PYHIN1: variants seen among roughly 807,000 people sequenced by gnomAD.
PYHIN1 encodes pyrin and HIN domain family member 1.
A neutral mutation model predicts 43.7 loss-of-function variants in PYHIN1; 32 were observed. The ratio of observed to expected loss-of-function variants is 0.73; its 90% CI spans 0.55 to 0.98. The LOEUF (loss-of-function observed/expected upper bound fraction) is 0.98, where lower values mean the gene tolerates loss of function less well. Ranked by LOEUF, PYHIN1 falls within the 50% of genes least tolerant of loss-of-function variation. The pLI, the probability that PYHIN1 is intolerant of heterozygous loss-of-function variation, is 0.00. For missense variants in PYHIN1, 588 were observed against 589.5 expected, an observed-to-expected ratio of 1.00 and a Z score of 0.03; for synonymous variants, 205 against 203.1, an observed-to-expected ratio of 1.01 and a Z score of -0.08.
At chr1:158,958,650 A>T (rs1199190653) in intron 7 of PYHIN1, among the ~76,000 whole-genome samples, 1 of 151,162 alleles carries the variant, frequency 6.6e-6, no homozygotes, top group East Asian at 1.9e-4. Flanking sequence ...AGATATACCT[A>T]ATGGTAGATG....
chr1:158,956,453 G>A (rs971587381), intron 7 of PYHIN1, among the ~76,000 whole-genome samples: 5 of 151,596 alleles, frequency 3.3e-5, no homozygotes, highest in African/African-American at 9.7e-5. Flanking sequence ...TTCAATATAT[G>A]CAAATCAATA....
intron 7 of PYHIN1, among the ~76,000 whole-genome samples, chr1:158,966,444 C>A (rs1002368027): frequency 8.6e-5 from 13 of 152,030 alleles, no homozygotes; most frequent in Admixed American, 8.5e-4. Flanking sequence ...GGTGGTTATT[C>A]TTGATGAACA....
intron 7 of PYHIN1, among the ~76,000 whole-genome samples, chr1:158,947,832 A>G (rs1280977139): frequency 6.6e-6 from 1 of 152,262 alleles, no homozygotes; most frequent in Non-Finnish European, 1.5e-5. Context: ...ACAGTTGATC[A>G]AAGGTTGGTC....
At chr1:158,949,598 G>C (rs1363096190) in intron 7 of PYHIN1, among the ~76,000 whole-genome samples, 1 of 134,592 alleles carries the variant, frequency 7.4e-6, no homozygotes, top group African/African-American at 2.9e-5. Flanking sequence ...TGTTCTCATT[G>C]TTCAATTCCC....
chr1:158,962,841 G>A (rs1305374977), intron 7 of PYHIN1, among the ~76,000 whole-genome samples: 1 of 152,118 alleles, frequency 6.6e-6, no homozygotes, highest in Non-Finnish European at 1.5e-5. Context: ...TAGTAACTCT[G>A]TGTTTCCCTG....
rs1205132427 is a variant in PYHIN1, at chr1:158,933,064, G to T, written c.-21+1288G>T. The stretch of plus-strand genomic sequence containing the variant: ...AATGTTTTTTTACCTTGTTCATTTA[G>T]TATTGGAAGATATAATATAGAACCT... On this transcript the variant is annotated intron_variant, in intron 1 of 8. Transcript: ENST00000368140. This position sits in a 1 kb window ranked among gnomAD's most constrained non-coding sequence, Gnocchi z 6.3. Among the ~76,000 whole-genome samples the T allele has an allele frequency of 6.6e-6, 1 of 151,680 alleles. No individual in the cohort carries two copies. The highest frequency in any genetic ancestry group is 2.4e-5 in the African/African-American group (1 of 41,258).
chr1:158,942,479 T>A, intron 5 of PYHIN1, 80 bp downstream of exon 5: 1 of 1,127,886 alleles, frequency 8.9e-7, no homozygotes, highest in Non-Finnish European at 1.3e-6. Context: ...AATGGAAGTT[T>A]GCATATTACT....
Position 158,951,543 on chromosome 1 carries a change from G to A in PYHIN1, c.1359+6501G>A, listed in dbSNP as rs534519889. 9.3e-4 allele frequency among the ~76,000 whole-genome samples: 142 copies of A among 152,272 alleles called. 1 individual carries two copies. Among genetic ancestry groups the A allele is most frequent in the African/African-American group, 3.2e-3 (133 of 41,562 alleles). On this transcript the variant is annotated intron_variant, in intron 7 of 8. Transcript: ENST00000368140. ...CTCTAAGTGCTAGTAAACCCAGATC[G>A]AGTGATTGAATTACGTGGTCTCCAC...
the PYHIN1 span, among the ~76,000 whole-genome samples, chr1:158,985,081 T>A: frequency 2.0e-5 from 3 of 152,158 alleles, no homozygotes; most frequent in Admixed American, 2.0e-4. Context: ...GAAGACAGCA[T>A]GTAATTGAGT....
chr1:158,976,041 A>G (rs964434826), intron 8 of PYHIN1, among the ~76,000 whole-genome samples: 4 of 152,134 alleles, frequency 2.6e-5, no homozygotes, highest in Admixed American at 6.6e-5. Flanking sequence ...ACCTCATAAC[A>G]GTCCTAAATT....
Position 158,965,487 on chromosome 1 carries a change from C to T in PYHIN1, c.1360-8160C>T, listed in dbSNP as rs113982963. Among the ~76,000 whole-genome samples the T allele has an allele frequency of 3.9e-3, 590 of 152,128 alleles. 2 individuals carry two copies. The highest frequency in any genetic ancestry group is 0.012 in the African/African-American group (509 of 41,548). On this transcript the variant is annotated intron_variant, in intron 7 of 8. Transcript: ENST00000368140. ...AGCACACACTCTGAAGTCGACCACA[C>T]GATCAGATATAAAACAATCCTCAGC...
At chr1:158,962,061 C>T (rs902251240) in intron 7 of PYHIN1, among the ~76,000 whole-genome samples, 4 of 152,204 alleles carry the variant, frequency 2.6e-5, no homozygotes, top group Non-Finnish European at 4.4e-5. Flanking sequence ...GGAAGCCCAC[C>T]ATTTTTGCTG....
intron 7 of PYHIN1, among the ~76,000 whole-genome samples, chr1:158,960,700 G>A (rs1650268158): frequency 6.6e-6 from 1 of 152,166 alleles, no homozygotes; most frequent in Non-Finnish European, 1.5e-5. Context: ...TATCATTGAT[G>A]TCTTATGTTA....
At chr1:158,982,103 T>C in the PYHIN1 span, among the ~76,000 whole-genome samples, 1 of 152,202 alleles carries the variant, frequency 6.6e-6, no homozygotes, top group Non-Finnish European at 1.5e-5. Flanking sequence ...TTTTATTCTG[T>C]TGATAGTCTA....
chr1:158,955,019 T>C (rs1102006), intron 7 of PYHIN1, among the ~76,000 whole-genome samples: 124,246 of 151,916 alleles, frequency 0.82, 51,914 homozygotes, highest in East Asian at 0.99. Flanking sequence ...CATTACATAA[T>C]GATAAAGGGA....
intron 7 of PYHIN1, among the ~76,000 whole-genome samples, chr1:158,970,906 A>T (rs1650897980): frequency 6.6e-6 from 1 of 152,050 alleles, no homozygotes; most frequent in Non-Finnish European, 1.5e-5. Flanking sequence ...TGAGGTTCAG[A>T]GAAGTTAGAA....
the PYHIN1 span, among the ~76,000 whole-genome samples, chr1:158,984,028 G>GTTTTTTTCTTTTTTTT: frequency 9.0e-6 from 1 of 111,208 alleles, no homozygotes; most frequent in African/African-American, 3.5e-5. Flanking sequence ...ATCTTCTCCT[G>GTTTTTTTCTTTTTTTT]TTTTTTTTTT....
chr1:158,990,078 A>G, the PYHIN1 span, among the ~76,000 whole-genome samples: 1 of 149,450 alleles, frequency 6.7e-6, no homozygotes, highest in African/African-American at 2.6e-5. Context: ...ATGAATAGTC[A>G]ACTTCCACTC....
the PYHIN1 span, among the ~76,000 whole-genome samples, chr1:158,985,945 G>T: frequency 6.6e-6 from 1 of 152,102 alleles, no homozygotes; most frequent in African/African-American, 2.4e-5. Context: ...CTCAGCTTCT[G>T]CTGTTAGTAC....
Sources: allele counts gnomAD v4.1 joint callset (sites outside exome capture counted in the v4.1 genomes callset), GRCh38; gene constraint gnomAD v4.1.1; non-coding constraint Gnocchi (gnomAD v3.1); transcripts MANE v1.5; gene names NCBI Gene and HGNC (gene_info 2026-07-23, HGNC 2026-07-21).